The following ASTN2 variants were observed in gnomAD, a reference collection of about 807,000 sequenced individuals.
ASTN2 encodes the protein astrotactin 2.
A neutral mutation model predicts 139.8 loss-of-function variants in ASTN2; 54 were observed. The ratio of observed to expected loss-of-function variants is 0.39; its 90% confidence interval spans 0.31 to 0.48. The LOEUF is 0.48. Ranked by LOEUF, ASTN2 falls within the 20% of genes least tolerant of loss-of-function variation. The pLI, the probability that ASTN2 is intolerant of heterozygous loss-of-function variation, is 0.95. For missense variants in ASTN2, 1,565 were observed against 1,725.1 expected (o/e 0.91, Z 1.64); for synonymous variants, 756 against 719.5 (o/e 1.05, Z -0.81).
intron 20 of ASTN2, among the ~76,000 whole-genome samples, chr9:116,472,642 A>T (rs1021086952): frequency 2.0e-5 from 3 of 151,866 alleles, no homozygotes; most frequent in African/African-American, 7.3e-5. Flanking sequence ...GGTAGCTCAT[A>T]CCTGTAATCC....
chr9:117,344,383 T>A (rs1564156894), intron 1 of ASTN2, among the ~76,000 whole-genome samples: 1 of 152,042 alleles, frequency 6.6e-6, no homozygotes, highest in East Asian at 1.9e-4. Flanking sequence ...CCATGATAAG[T>A]CCAGGTCCCC....
chr9:117,107,071 T>C (rs1453342457), intron 4 of ASTN2, among the ~76,000 whole-genome samples: 2 of 152,202 alleles, frequency 1.3e-5, no homozygotes, highest in South Asian at 2.1e-4. Flanking sequence ...TATAGATTGC[T>C]TATGGAATTA....
chr9:117,257,459 T>C (rs1301689982), intron 2 of ASTN2, among the ~76,000 whole-genome samples: 2 of 152,214 alleles, frequency 1.3e-5, no homozygotes, highest in East Asian at 1.9e-4. Context: ...AATAGAAAGA[T>C]TGCCCTGTGA....
chr9:117,182,433 C>A (rs1481200315), intron 3 of ASTN2, among the ~76,000 whole-genome samples: 1 of 151,958 alleles, frequency 6.6e-6, no homozygotes, highest in East Asian at 1.9e-4. Flanking sequence ...GTTCTCACAC[C>A]AAGGATGACC....
intron 19 of ASTN2, among the ~76,000 whole-genome samples, chr9:116,601,077 T>C (rs1253232715): frequency 6.6e-6 from 1 of 152,238 alleles, no homozygotes; most frequent in Non-Finnish European, 1.5e-5. Context: ...TAATAAGTGC[T>C]ACCAAGCTAG....
At chr9:117,156,886 C>G (rs1186501691) in intron 3 of ASTN2, among the ~76,000 whole-genome samples, 1 of 151,954 alleles carries the variant, frequency 6.6e-6, no homozygotes, top group Non-Finnish European at 1.5e-5. Flanking sequence ...GAAATGTCTT[C>G]TCCTTAGCAG....
rs970276568 is a variant in ASTN2, at chr9:116,740,061, C to T, written c.2397-6538G>A. Among the ~76,000 whole-genome samples the T allele has an allele frequency of 3.3e-5, 5 of 152,170 alleles. No individual in the cohort carries two copies. The East Asian group carries it at 7.7e-4, about 23-fold the overall frequency. ...GGAGCTTGGACAGAGGGGCCAGGGGCCACTGAGTGAGTGGGACCAGATGAG... is the reference window on the plus strand; with the variant it reads ...GGAGCTTGGACAGAGGGGCCAGGGGTCACTGAGTGAGTGGGACCAGATGAG... On this transcript the variant is annotated intron_variant, in intron 13 of 22. Coordinates refer to ENST00000313400, the MANE Select transcript of ASTN2 (RefSeq NM_001365068.1).
intron 4 of ASTN2, among the ~76,000 whole-genome samples, chr9:117,108,138 C>A (rs868618646): frequency 1.2e-4 from 19 of 152,118 alleles, no homozygotes. Flanking sequence ...AAATTGATAT[C>A]TTCAGGGATT....
chr9:117,251,152 C>G (rs1328173799), intron 2 of ASTN2, among the ~76,000 whole-genome samples: 1 of 152,140 alleles, frequency 6.6e-6, no homozygotes, highest in Non-Finnish European at 1.5e-5. Flanking sequence ...AAGTTACTTG[C>G]TCAAGGTCAC....
chr9:116,993,876 A>ATTTTTTTT (rs1554767643), intron 7 of ASTN2, among the ~76,000 whole-genome samples: 68 of 142,048 alleles, frequency 4.8e-4, no homozygotes, highest in African/African-American at 1.6e-3. Context: ...ATATATATAT[A>ATTTTTTTT]TTTTAACTAT....
At chr9:117,022,020 G>A (rs770430982) in intron 6 of ASTN2, among the ~76,000 whole-genome samples, 1 of 151,990 alleles carries the variant, frequency 6.6e-6, no homozygotes, top group Admixed American at 6.6e-5. Context: ...TATTAGCTTT[G>A]GATATAGCAG....
rs531602063 is a variant in ASTN2, at chr9:117,254,273, A to T, written c.630+37053T>A. Among the ~76,000 whole-genome samples, 5 of 152,354 alleles carry T rather than the reference A, an allele frequency of 3.3e-5. No homozygotes were observed. In the South Asian group the frequency reaches 1.0e-3, roughly 32 times the overall value. On this transcript the variant is annotated intron_variant, in intron 2 of 22. Coordinates refer to ENST00000313400, the MANE Select transcript of ASTN2 (RefSeq NM_001365068.1). ...GTCAAAATGATAAAGGCTATCATTTATTGAGGATTTACTACCTGCCAGACC... is the reference window on the plus strand; with the variant it reads ...GTCAAAATGATAAAGGCTATCATTTTTTGAGGATTTACTACCTGCCAGACC...
At chr9:116,494,785 T>C (rs1849620220) in intron 19 of ASTN2, among the ~76,000 whole-genome samples, 1 of 152,206 alleles carries the variant, frequency 6.6e-6, no homozygotes, top group South Asian at 2.1e-4. Flanking sequence ...TACCTAGGAA[T>C]GTCAGAGTAA....
At chr9:116,483,139 C>T (rs1290904130) in intron 20 of ASTN2, among the ~76,000 whole-genome samples, 1 of 152,228 alleles carries the variant, frequency 6.6e-6, no homozygotes, top group Admixed American at 6.5e-5. Flanking sequence ...CTCAGGGTCA[C>T]CCCTCGATTC....
intron 16 of ASTN2, among the ~76,000 whole-genome samples, chr9:116,722,581 A>T (rs1202000982): frequency 6.6e-6 from 1 of 152,166 alleles, no homozygotes; most frequent in Non-Finnish European, 1.5e-5. Flanking sequence ...GGATTCAAAT[A>T]CCATCTTCTT....
intron 19 of ASTN2, among the ~76,000 whole-genome samples, chr9:116,595,451 T>G (rs558100644): frequency 6.6e-6 from 1 of 152,242 alleles, no homozygotes; most frequent in African/African-American, 2.4e-5. Context: ...CTCAGCCTCC[T>G]GAATAGCTGG....
rs541421120 is a variant in ASTN2 at position 117,139,916 on chromosome 9, A to C, written c.1168+1410T>G. ...TGTATCAGGTTGGTGCAAAAGTAAT[A>C]GCACCAACATAATAGTACATAGTCG... On this transcript the variant is annotated intron_variant, in intron 4 of 22. Coordinates refer to ENST00000313400, the MANE Select transcript of ASTN2 (RefSeq NM_001365068.1). 5.3e-5 allele frequency among the ~76,000 whole-genome samples: 8 copies of C among 152,340 alleles called. No homozygotes were observed. In the South Asian group the frequency reaches 1.7e-3, roughly 32 times the overall value.
At chr9:116,809,969 T>C (rs1215171068) in intron 12 of ASTN2, among the ~76,000 whole-genome samples, 4 of 152,186 alleles carry the variant, frequency 2.6e-5, no homozygotes, top group Non-Finnish European at 4.4e-5. Context: ...CTGTGATTTT[T>C]CAAGCTGCCT....
At chr9:116,794,373 C>T (rs1254248112) in intron 13 of ASTN2, among the ~76,000 whole-genome samples, 1 of 152,154 alleles carries the variant, frequency 6.6e-6, no homozygotes, top group Non-Finnish European at 1.5e-5. Flanking sequence ...GCTGGGATTA[C>T]AGGCGTGAGC....
Sources: allele counts gnomAD v4.1 joint callset (sites outside exome capture counted in the v4.1 genomes callset), GRCh38; gene constraint gnomAD v4.1.1; transcripts MANE v1.5; gene names NCBI Gene and HGNC (gene_info 2026-07-23, HGNC 2026-07-21).